The following TNRC6A variants were observed in gnomAD, a reference collection of about 807,000 sequenced individuals.
The protein encoded by TNRC6A is trinucleotide repeat containing adaptor 6A, also known as trinucleotide repeat-containing gene 6A protein.
Under a neutral mutation model 221.2 loss-of-function variants are expected in TNRC6A, and 44 were observed. The ratio of observed to expected loss-of-function variants is 0.20; its 90% CI spans 0.16 to 0.26. The LOEUF (loss-of-function observed/expected upper bound fraction) is 0.26, where lower values mean the gene tolerates loss of function less well. TNRC6A is among the 10% of genes least tolerant of loss of function. The pLI, the probability that TNRC6A is intolerant of heterozygous loss-of-function variation, is 1.00. For synonymous variants in TNRC6A, 847 were observed against 838.5 expected (o/e 1.01, Z -0.18); for missense variants, 2,199 against 2,404.4 (o/e 0.91, Z 1.79).
chr16:24,782,973 A>G (rs2057885325), intron 5 of TNRC6A, among the ~76,000 whole-genome samples: 2 of 152,206 alleles, frequency 1.3e-5, no homozygotes, highest in South Asian at 4.1e-4. Flanking sequence ...AAACATAAAT[A>G]TTATTTACTT....
At chr16:24,689,813 C>T (rs1483159757) in intron 2 of TNRC6A, among the ~76,000 whole-genome samples, 4 of 151,698 alleles carry the variant, frequency 2.6e-5, no homozygotes, top group Non-Finnish European at 5.9e-5. Context: ...TGCAGTGGTG[C>T]AATCATAGCT....
At chr16:24,628,127 A>T (rs993784390) in intron 1 of TNRC6A, among the ~76,000 whole-genome samples, 1 of 152,024 alleles carries the variant, frequency 6.6e-6, no homozygotes, top group Non-Finnish European at 1.5e-5. Flanking sequence ...GATTGTTTTC[A>T]ATAAAAGTCA....
chr16:24,619,347 T>C (rs1015042478), intron 1 of TNRC6A, among the ~76,000 whole-genome samples: 1 of 152,238 alleles, frequency 6.6e-6, no homozygotes, highest in Non-Finnish European at 1.5e-5. Flanking sequence ...GCTGCTATTA[T>C]AGATGCAATA....
intron 5 of TNRC6A, 29 bp downstream of exon 5, chr16:24,777,387 A>G: frequency 6.3e-7 from 1 of 1,583,136 alleles, no homozygotes; most frequent in African/African-American, 1.3e-5. Context: ...TACGAGACTC[A>G]CACCTTATCA....
chr16:24,793,692 C>T lies in TNRC6A; in HGVS notation c.3352+43C>T, dbSNP rs770881530. ...CCTGGTAGCTGTTATGTAGCAGTGG[C>T]GAACACTCACTGACTATAATTAAAT... On this transcript the variant is annotated intron_variant, in intron 7 of 24. Transcript: ENST00000395799. The T allele has an allele frequency of 4.6e-5, 61 of 1,326,058 alleles. No individual in the cohort carries two copies. The East Asian group carries it at 8.5e-4, about 19-fold the overall frequency. 82.1% of individuals were successfully genotyped at this position (1,326,058 alleles called of 1,614,324 possible).
At chr16:24,738,536 T>C (rs111895083) in intron 2 of TNRC6A, among the ~76,000 whole-genome samples, 53 of 152,364 alleles carry the variant, frequency 3.5e-4, no homozygotes, top group Admixed American at 1.7e-3. Flanking sequence ...TTAAGTGGAA[T>C]CATACTATAT....
At chr16:24,766,674 CT>C (rs397972605) in intron 4 of TNRC6A, among the ~76,000 whole-genome samples, 24,854 of 121,176 alleles carry the variant, frequency 0.21, 1,615 homozygotes, top group East Asian at 0.3. Flanking sequence ...TTCTTTTTAT[CT>C]TTTTTTTTTT....
chr16:24,805,631 A>T lies in TNRC6A; in HGVS notation c.4149A>T (p.Ala1383=). Residue 1383 remains alanine, a synonymous_variant, in exon 15 of 25, where the codon GCA becomes GCT. Transcript: ENST00000395799. ...TTCCAGTTTCATTGCTGAAGTATGC[A>T]CCAAACAACGGTGGCCTGAATCCAC... ...PQVPVSLLKY[A]PNNGGLNPLF... is the part of the protein sequence containing the mutation. 1 of 1,614,254 alleles carries T rather than the reference A, an allele frequency of 6.2e-7. No individual in the cohort carries two copies. Among genetic ancestry groups the T allele is most frequent in the Non-Finnish European group, 8.5e-7 (1 of 1,180,032 alleles).
At chr16:24,819,159 C>T (rs932670128) in intron 21 of TNRC6A, among the ~76,000 whole-genome samples, 3 of 152,190 alleles carry the variant, frequency 2.0e-5, no homozygotes, top group Non-Finnish European at 2.9e-5. Context: ...CTGGACTCGT[C>T]CTGCAGCAGA....
chr16:24,732,785 C>T (rs1006901671), intron 2 of TNRC6A, among the ~76,000 whole-genome samples: 4 of 152,328 alleles, frequency 2.6e-5, no homozygotes, highest in African/African-American at 9.6e-5. Context: ...CCAGTTGTGA[C>T]AATCACCAAT....
At chr16:24,794,394 CT>C in intron 7 of TNRC6A, 149 bp from the exon 8 acceptor site, 2 of 665,014 alleles carry the variant, frequency 3.0e-6, no homozygotes, top group East Asian at 6.0e-5. Context: ...ATAAAACATA[CT>C]TTCCTTCTGT....
intron 23 of TNRC6A, 90 bp downstream of exon 23, chr16:24,822,237 G>T (rs1407865801): frequency 7.6e-7 from 1 of 1,311,538 alleles, no homozygotes; most frequent in African/African-American, 1.5e-5. Flanking sequence ...AGGGCTGCTA[G>T]GTGGTAGTGA....
chr16:24,776,801 ATATCCCTGCTCAC>A, intron 4 of TNRC6A, 119 bp from the exon 5 acceptor site: 1 of 1,484,110 alleles, frequency 6.7e-7, no homozygotes, highest in East Asian at 2.3e-5. Flanking sequence ...GTAAATGAGG[ATATCCCTGCTCAC>A]AGAAAGCTTC....
At chr16:24,769,199 A>G (rs1266341962) in intron 4 of TNRC6A, among the ~76,000 whole-genome samples, 1 of 152,114 alleles carries the variant, frequency 6.6e-6, no homozygotes, top group African/African-American at 2.4e-5. Flanking sequence ...TTACAGAATG[A>G]TATGTTTTTA....
intron 18 of TNRC6A, among the ~76,000 whole-genome samples, chr16:24,814,201 C>G (rs1195805217): frequency 6.6e-6 from 1 of 152,148 alleles, no homozygotes; most frequent in Middle Eastern, 3.4e-3. Context: ...TGCTGGCACA[C>G]TGTGACTTGA....
intron 2 of TNRC6A, among the ~76,000 whole-genome samples, chr16:24,745,374 A>G (rs563627148): frequency 2.6e-5 from 4 of 152,330 alleles, no homozygotes; most frequent in African/African-American, 9.6e-5. Context: ...GATAAAAATG[A>G]GAAAAGGAAT....
At chr16:24,671,747 C>A (rs988029750) in intron 2 of TNRC6A, among the ~76,000 whole-genome samples, 1 of 152,138 alleles carries the variant, frequency 6.6e-6, no homozygotes, top group Non-Finnish European at 1.5e-5. Flanking sequence ...CAGTGGCTCA[C>A]GCCTGTAATC....
rs1326565656 is a variant in TNRC6A, at chr16:24,825,831, GC to G, written c.*2026del. On this transcript the variant is annotated 3_prime_UTR_variant, in exon 25 of 25. Coordinates refer to ENST00000395799, the MANE Select transcript of TNRC6A (RefSeq NM_014494.4). The stretch of plus-strand genomic sequence containing the variant: ...ATACCTCTGTTACAAAGCGAGAAAC[GC>G]CACACCCGGACTGGCCTTTTCTTCC... 6 of 152,642 alleles carry G rather than the reference GC, an allele frequency of 3.9e-5. No homozygotes were observed. The highest frequency in any genetic ancestry group is 1.2e-4 in the African/African-American group (5 of 41,454). 9.5% of individuals were successfully genotyped at this position (152,642 alleles called of 1,614,324 possible). A position where few individuals can be genotyped will look rare whatever the true frequency, so the allele number is the denominator to read the frequency against.
intron 21 of TNRC6A, chr16:24,819,569 C>G (rs1365636793): frequency 2.4e-5 from 3 of 125,416 alleles, no homozygotes; most frequent in African/African-American, 9.3e-5. Flanking sequence ...AGTTTTGAAT[C>G]CTGGCTCTGC....
Sources: gnomAD v4.1 joint callset for allele counts (sites outside exome capture counted in the v4.1 genomes callset) on GRCh38, gnomAD v4.1.1 for gene constraint, MANE v1.5 for transcripts, NCBI Gene and HGNC (gene_info 2026-07-23, HGNC 2026-07-21) for gene names.